The following VTI1A variants were observed in gnomAD, a reference collection of about 807,000 sequenced individuals.
VTI1A encodes vesicle transport through interaction with t-SNAREs homolog 1A.
In VTI1A, 22 loss-of-function variants were observed where a neutral mutation model predicts 34.9. The observed-to-expected ratio is 0.63, with a 90% CI of 0.45 to 0.90. VTI1A has a LOEUF of 0.90. Ranked by LOEUF, VTI1A falls within the 40% of genes least tolerant of loss-of-function variation. The pLI is 0.00. For synonymous variants in VTI1A, 87 were observed against 97.3 expected, an observed-to-expected ratio of 0.89 and a Z score of 0.62; for missense variants, 268 against 275.6, an observed-to-expected ratio of 0.97 and a Z score of 0.20.
the VTI1A span, among the ~76,000 whole-genome samples, chr10:112,854,829 G>A: frequency 6.6e-6 from 1 of 152,174 alleles, no homozygotes; most frequent in South Asian, 2.1e-4. Context: ...TGCAGAGAAC[G>A]CCTCTAGAAT....
intron 7 of VTI1A, among the ~76,000 whole-genome samples, chr10:112,790,764 G>GTTTT (rs56892510): frequency 7.0e-6 from 1 of 142,338 alleles, no homozygotes; most frequent in African/African-American, 2.6e-5. Flanking sequence ...ACTAAAAGAC[G>GTTTT]TTTTTTTTTT....
chr10:112,447,263 C>T lies in VTI1A; in HGVS notation c.-111C>T. ...TGAGAGCTGTCCCCGGTTCTCCGTT[C>T]TGCTCTCGGGGGCACCTTCCGGGGT... On this transcript the variant is annotated 5_prime_UTR_variant, in exon 1 of 8. Coordinates refer to ENST00000393077, the MANE Select transcript of VTI1A (RefSeq NM_145206.4). The T allele has an allele frequency of 8.5e-7, 1 of 1,175,638 alleles. No individual in the cohort carries two copies. The highest frequency in any genetic ancestry group is 1.2e-6 in the Non-Finnish European group (1 of 831,322). 72.8% of individuals were successfully genotyped at this position (1,175,638 alleles called of 1,614,324 possible). A position where few individuals can be genotyped will look rare whatever the true frequency, so the allele number is the denominator to read the frequency against.
intron 7 of VTI1A, among the ~76,000 whole-genome samples, chr10:112,789,417 CAT>C (rs542407397): frequency 6.6e-6 from 1 of 152,122 alleles, no homozygotes; most frequent in Non-Finnish European, 1.5e-5. Flanking sequence ...AGCCATTAAT[CAT>C]ATTTGTTATT....
chr10:112,852,629 C>T, the VTI1A span, among the ~76,000 whole-genome samples: 1 of 152,184 alleles, frequency 6.6e-6, no homozygotes, highest in Non-Finnish European at 1.5e-5. Context: ...CTTTTGTGAC[C>T]AATGGATGTC....
At chr10:112,501,920 A>G (rs1284378526) in intron 3 of VTI1A, among the ~76,000 whole-genome samples, 11 of 151,984 alleles carry the variant, frequency 7.2e-5, no homozygotes, top group Admixed American at 7.2e-4. Flanking sequence ...AGTTTCCACA[A>G]TATTATATCC....
intron 7 of VTI1A, among the ~76,000 whole-genome samples, chr10:112,755,160 G>A (rs1590154958): frequency 6.6e-6 from 1 of 152,164 alleles, no homozygotes; most frequent in Non-Finnish European, 1.5e-5. Flanking sequence ...GGAGGCTGAG[G>A]CACGAGAATC....
At chr10:112,590,000 C>T (rs970599641) in intron 5 of VTI1A, among the ~76,000 whole-genome samples, 2 of 152,124 alleles carry the variant, frequency 1.3e-5, no homozygotes, top group East Asian at 3.8e-4. Context: ...AAGGGCCAAA[C>T]CTTAATGTTA....
intron 7 of VTI1A, among the ~76,000 whole-genome samples, chr10:112,760,889 CAAA>C (rs10592117): frequency 4.9e-4 from 46 of 94,246 alleles, no homozygotes; most frequent in Middle Eastern, 5.6e-3. Context: ...ACTCCATCTC[CAAA>C]AAAAAAAAAA....
At chr10:112,573,842 G>A (rs1311415238) in intron 5 of VTI1A, among the ~76,000 whole-genome samples, 3 of 151,796 alleles carry the variant, frequency 2.0e-5, no homozygotes, top group Non-Finnish European at 4.4e-5. Flanking sequence ...CCCCTTTTTT[G>A]CCTAAGGTAA....
intron 7 of VTI1A, among the ~76,000 whole-genome samples, chr10:112,672,113 A>T (rs1356980339): frequency 6.6e-6 from 1 of 152,194 alleles, no homozygotes; most frequent in Non-Finnish European, 1.5e-5. Context: ...GGGACACCAG[A>T]AAAACAAATA....
chr10:112,498,098 A>G (rs1849091936), intron 3 of VTI1A, among the ~76,000 whole-genome samples: 2 of 152,154 alleles, frequency 1.3e-5, no homozygotes, highest in South Asian at 2.1e-4. Flanking sequence ...CCACTGGATT[A>G]TGTCCTACAT....
chr10:112,818,794 G>A (rs1853595856), downstream of VTI1A: 1 of 148,894 alleles, frequency 6.7e-6, no homozygotes, highest in Non-Finnish European at 1.4e-5. Flanking sequence ...CATTAGCTGT[G>A]TCATGTGGTA....
chr10:112,461,654 T>C (rs1321564109), intron 2 of VTI1A, among the ~76,000 whole-genome samples: 1 of 152,204 alleles, frequency 6.6e-6, no homozygotes, highest in Admixed American at 6.5e-5. Flanking sequence ...TTTTAAAAGC[T>C]AACTACTACA....
At chr10:112,636,740 A>AAAG (rs1206693086) in intron 5 of VTI1A, among the ~76,000 whole-genome samples, 1 of 151,770 alleles carries the variant, frequency 6.6e-6, no homozygotes, top group Non-Finnish European at 1.5e-5. Context: ...AAAAAAAAAA[A>AAAG]AAAAAACTTC....
intron 5 of VTI1A, among the ~76,000 whole-genome samples, chr10:112,641,307 C>A (rs1418907470): frequency 6.6e-6 from 1 of 152,132 alleles, no homozygotes; most frequent in Non-Finnish European, 1.5e-5. Context: ...CCTGCTACCC[C>A]ATCCTTCAAA....
At chr10:112,769,581 G>C (rs531873756) in intron 7 of VTI1A, among the ~76,000 whole-genome samples, 1 of 152,190 alleles carries the variant, frequency 6.6e-6, no homozygotes, top group Admixed American at 6.5e-5. Flanking sequence ...CCCCAGCAAG[G>C]TGGAGCCTTG....
the VTI1A span, among the ~76,000 whole-genome samples, chr10:112,845,943 G>A: frequency 2.6e-5 from 4 of 152,086 alleles, no homozygotes; most frequent in African/African-American, 9.7e-5. Flanking sequence ...ACTTGAACCC[G>A]GGAGGCGGAG....
At chr10:112,602,657 T>C (rs1459523785) in intron 5 of VTI1A, among the ~76,000 whole-genome samples, 1 of 152,244 alleles carries the variant, frequency 6.6e-6, no homozygotes, top group Non-Finnish European at 1.5e-5. Context: ...GACTTAGAAT[T>C]GTAAGTCTTT....
chr10:112,518,625 A>T (rs796911694), intron 3 of VTI1A, among the ~76,000 whole-genome samples: 1 of 116,514 alleles, frequency 8.6e-6, no homozygotes, highest in Non-Finnish European at 1.8e-5. Flanking sequence ...GTGTGTGTGT[A>T]TGTGTATATA....
Sources: allele counts gnomAD v4.1 joint callset (sites outside exome capture counted in the v4.1 genomes callset), GRCh38; gene constraint gnomAD v4.1.1; transcripts MANE v1.5; gene names NCBI Gene and HGNC (gene_info 2026-07-23, HGNC 2026-07-21).